STRN3: variants seen among roughly 807,000 people sequenced by gnomAD.
STRN3 encodes striatin 3.
Under a neutral mutation model 95.6 loss-of-function variants are expected in STRN3, and 29 were observed. The ratio of observed to expected loss-of-function variants is 0.30; its 90% confidence interval spans 0.23 to 0.41. STRN3 has a LOEUF of 0.41. Ranked by LOEUF, STRN3 falls within the 10% of genes least tolerant of loss-of-function variation. The probability of loss-of-function intolerance (pLI) is 1.00; values close to 1 mark genes in which losing one functional copy is unlikely to be tolerated. For missense variants in STRN3, 890 were observed against 972.1 expected (o/e 0.92, Z 1.12); for synonymous variants, 331 against 357.6 (o/e 0.93, Z 0.84).
chr14:30,988,420 T>C (rs1881797896), intron 1 of STRN3, among the ~76,000 whole-genome samples: 1 of 152,236 alleles, frequency 6.6e-6, no homozygotes, highest in East Asian at 1.9e-4. Context: ...ATTTGTTATT[T>C]ACCTTTCTTA....
intron 15 of STRN3, 131 bp downstream of exon 15, chr14:30,905,287 G>T: frequency 1.0e-6 from 1 of 994,292 alleles, no homozygotes; most frequent in South Asian, 2.3e-5. Flanking sequence ...AAGTATAACT[G>T]TAACATTATG....
chr14:31,010,912 G>A (rs1882940547), intron 1 of STRN3, among the ~76,000 whole-genome samples: 1 of 152,214 alleles, frequency 6.6e-6, no homozygotes. Flanking sequence ...GGTGGCAGAT[G>A]TCTGCAATCC....
At chr14:30,916,152 C>T (rs967132455) in intron 9 of STRN3, among the ~76,000 whole-genome samples, 4 of 151,996 alleles carry the variant, frequency 2.6e-5, no homozygotes, top group African/African-American at 9.7e-5. Context: ...TCTGTTTGCC[C>T]TTATTTCCCT....
intron 8 of STRN3, among the ~76,000 whole-genome samples, chr14:30,919,364 T>TAG (rs1555316192): frequency 2.1e-4 from 31 of 148,830 alleles, no homozygotes; most frequent in Admixed American, 1.9e-3. Context: ...TCTAAAGAGA[T>TAG]ATATATATAT....
At chr14:30,926,759 C>G (rs983796166) in intron 8 of STRN3, among the ~76,000 whole-genome samples, 1 of 151,852 alleles carries the variant, frequency 6.6e-6, no homozygotes, top group Non-Finnish European at 1.5e-5. Context: ...GGCTGAATAA[C>G]AGAATACCTA....
intron 3 of STRN3, among the ~76,000 whole-genome samples, chr14:30,953,750 C>T (rs1029023858): frequency 7.2e-5 from 11 of 152,104 alleles, no homozygotes; most frequent in Admixed American, 6.5e-4. Context: ...CTACTTCAGC[C>T]CCCTAAATAG....
chr14:30,940,434 G>T (rs1388046984), intron 5 of STRN3, among the ~76,000 whole-genome samples: 1 of 152,138 alleles, frequency 6.6e-6, no homozygotes, highest in Non-Finnish European at 1.5e-5. Context: ...TACAGTACTT[G>T]GCTCAGTATA....
chr14:30,973,831 C>G (rs1162363466), intron 1 of STRN3, among the ~76,000 whole-genome samples: 2 of 152,102 alleles, frequency 1.3e-5, no homozygotes, highest in African/African-American at 2.4e-5. Flanking sequence ...GAAAATCAAG[C>G]AATGTAAGAA....
At chr14:31,000,256 C>T (rs948321924) in intron 1 of STRN3, among the ~76,000 whole-genome samples, 5 of 21,242 alleles carry the variant, frequency 2.4e-4, no homozygotes, top group South Asian at 1.5e-3. Context: ...TTCTGGGGGG[C>T]GGGGGGGAGT....
intron 1 of STRN3, among the ~76,000 whole-genome samples, chr14:30,973,353 G>A (rs1880929333): frequency 6.6e-6 from 1 of 151,072 alleles, no homozygotes; most frequent in Non-Finnish European, 1.5e-5. Context: ...GGGGAGAGAA[G>A]GGGACAGAGA....
intron 1 of STRN3, among the ~76,000 whole-genome samples, chr14:31,009,332 G>C (rs1010826472): frequency 9.9e-5 from 15 of 152,016 alleles, no homozygotes; most frequent in African/African-American, 3.4e-4. Flanking sequence ...TATTTTATTT[G>C]GGACATGGAG....
rs560292844 is a variant in STRN3 at position 30,995,328 on chromosome 14, G to GA, written c.282+30575dup. ...CAAGATGGCTATAAAGGCCACAAAA[G>GA]AAAAAAAAAACAAAAGAACTCCCTT... is the stretch of plus-strand genomic sequence containing the variant. On this transcript the variant is annotated intron_variant, in intron 1 of 17. Transcript: ENST00000357479. Among the ~76,000 whole-genome samples, 159 of 145,010 alleles carry GA rather than the reference G, an allele frequency of 1.1e-3. 2 individuals are homozygous for GA. The highest frequency in any genetic ancestry group is 9.1e-3 in the South Asian group (42 of 4,628).
In STRN3 at chr14:30,919,010, G is replaced by T; in HGVS notation, c.1196C>A (p.Ala399Asp). Residue 399 changes from alanine to aspartate, a missense_variant, in exon 9 of 18, where the codon GCC (alanine) becomes GAC (aspartate). By Grantham distance (126) the Ala-to-Asp change is moderately radical. Around this residue, in one of 3 missense-constraint regions of STRN3, gnomAD observed 526 missense variants for 526.3 expected, o/e 1.00. Transcript: ENST00000357479. ...PSGIINQSRS[A>D]STRMTDHEGA... is the part of the protein sequence containing the mutation. ...TTCATGATCAGTCATTCTAGTAGAG[G>T]CTGACCTAGACTGATTAATGATTCC... 6.2e-7 allele frequency: 1 copy of T among 1,605,384 alleles called. No homozygotes were observed. Among genetic ancestry groups the T allele is most frequent in the Non-Finnish European group, 8.5e-7 (1 of 1,175,026 alleles).
At chr14:31,016,834 C>T (rs1220385485) in intron 1 of STRN3, among the ~76,000 whole-genome samples, 2 of 152,116 alleles carry the variant, frequency 1.3e-5, no homozygotes, top group East Asian at 1.9e-4. Flanking sequence ...TGAGCCACTG[C>T]GCCCAGCCAA....
chr14:30,946,911 G>A (rs545107186), intron 5 of STRN3, among the ~76,000 whole-genome samples, 179 bp downstream of exon 5: 24 of 151,456 alleles, frequency 1.6e-4, no homozygotes, highest in East Asian at 1.4e-3. Flanking sequence ...CCTGGGAGGC[G>A]GAGGTTGCAG....
At position 30,953,297 on chromosome 14, in the gene STRN3, C is replaced by G. The variant is rs74041073; in HGVS notation, c.460+2323G>C. Among the ~76,000 whole-genome samples, 791 of 152,232 alleles carry G rather than the reference C, an allele frequency of 5.2e-3. 3 individuals are homozygous for G. The highest frequency in any genetic ancestry group is 0.018 in the African/African-American group (734 of 41,540). On this transcript the variant is annotated intron_variant, in intron 3 of 17. Coordinates refer to ENST00000357479, the MANE Select transcript of STRN3 (RefSeq NM_001083893.2). Reference sequence around the variant, plus strand: ...TCCCCAAAAGCCTTTCTTGTGCCCTCCAGTCACTAGCCACTCCAAAAAGGG... The same window carrying G: ...TCCCCAAAAGCCTTTCTTGTGCCCTGCAGTCACTAGCCACTCCAAAAAGGG...
chr14:30,959,057 T>C (rs1004778079), intron 1 of STRN3, among the ~76,000 whole-genome samples: 1 of 152,222 alleles, frequency 6.6e-6, no homozygotes, highest in Non-Finnish European at 1.5e-5. Context: ...GTGGGCATGG[T>C]GGCTCACACC....
chr14:30,985,057 C>T (rs534693219), intron 1 of STRN3, among the ~76,000 whole-genome samples: 1 of 152,030 alleles, frequency 6.6e-6, no homozygotes, highest in African/African-American at 2.4e-5. Flanking sequence ...TGGTTCACAC[C>T]TGTAATCCCA....
intron 16 of STRN3, among the ~76,000 whole-genome samples, chr14:30,901,951 T>C (rs1896328103): frequency 6.6e-6 from 1 of 151,930 alleles, no homozygotes; most frequent in Non-Finnish European, 1.5e-5. Context: ...GTGGATCATC[T>C]GAGGTCAGGA....
Sources: allele counts gnomAD v4.1 joint callset (sites outside exome capture counted in the v4.1 genomes callset), GRCh38; gene constraint gnomAD v4.1.1; regional missense constraint gnomAD v4.1.1; transcripts MANE v1.5; gene names NCBI Gene and HGNC (gene_info 2026-07-23, HGNC 2026-07-21).